Variants in PHF12 observed in about 807,000 individuals in gnomAD.
PHF12 encodes PHD factor 1.
A neutral mutation model predicts 99.8 loss-of-function variants in PHF12; 6 were observed. The observed-to-expected ratio is 0.06, with a 90% CI of 0.03 to 0.12. The LOEUF (loss-of-function observed/expected upper bound fraction) is 0.12. Ranked by LOEUF, PHF12 falls within the 10% of genes least tolerant of loss-of-function variation. PHF12 has a pLI of 1.00. For missense variants in PHF12, 954 were observed against 1,300.1 expected (o/e 0.73, Z 4.09); for synonymous variants, 480 against 514.9 (o/e 0.93, Z 0.92).
At position 28,950,194 on chromosome 17, in the gene PHF12, C is replaced by G; in HGVS notation, c.119G>C (p.Ser40Thr). ...PPKTDEAEKR[S>T]RKPEKEPRRS... Reference sequence around the variant, plus strand: ...CCGGGGCTCCTTCTCAGGCTTCCGACTGCGCTTTTCTGCCTCGTCCGTCTT... The same window carrying G: ...CCGGGGCTCCTTCTCAGGCTTCCGAGTGCGCTTTTCTGCCTCGTCCGTCTT... Residue 40 changes from serine to threonine, a missense_variant, in exon 2 of 15, where the codon AGT (serine) becomes ACT (threonine). This residue lies in a region of PHF12 where 66 missense variants were observed against 69.4 expected (regional missense o/e 0.95). Transcript: ENST00000332830. This position sits in a 1 kb window ranked among gnomAD's most constrained non-coding sequence, Gnocchi z 5.7. 1 of 1,613,266 alleles carries G rather than the reference C, an allele frequency of 6.2e-7. No individual in the cohort carries two copies. The highest frequency in any genetic ancestry group is 1.1e-5 in the South Asian group (1 of 91,064).
At position 28,921,665 on chromosome 17, in the gene PHF12, C is replaced by T. The variant is rs193008301; in HGVS notation, c.836+23G>A. 280 of 1,611,402 alleles carry T rather than the reference C, an allele frequency of 1.7e-4. 2 individuals are homozygous for T. The African/African-American group carries it at 3.3e-3, about 19-fold the overall frequency. On this transcript the variant is annotated intron_variant, in intron 5 of 14. Transcript: ENST00000332830. Reference sequence around the variant, plus strand: ...TCATCTGCTAAATAATGAGAAAGAGCCCCTTAGTATGAAAGAAAATACCTG... The same window carrying T: ...TCATCTGCTAAATAATGAGAAAGAGTCCCTTAGTATGAAAGAAAATACCTG...
rs1050392329 is a variant in PHF12 at position 28,950,511 on chromosome 17, T to C, written c.67-265A>G. On this transcript the variant is annotated intron_variant, in intron 1 of 14. Transcript: ENST00000332830. This position sits in a 1 kb window ranked among gnomAD's most constrained non-coding sequence, Gnocchi z 5.7. ...ATGGGAAGAGGGTGCGCGGTTCCCT[T>C]CTTGCCACTTCCTTGTATGGACAGT... 5 of 553,876 alleles carry C rather than the reference T, an allele frequency of 9.0e-6. No individual in the cohort carries two copies. In the Admixed American group the frequency reaches 1.3e-4, roughly 14 times the overall value. The allele number at this position is 553,876 out of a possible 1,614,324, so 34.3% of individuals were successfully genotyped here.
chr17:28,933,777 G>A (rs1451941665), intron 2 of PHF12, among the ~76,000 whole-genome samples: 7 of 152,190 alleles, frequency 4.6e-5, no homozygotes, highest in African/African-American at 1.7e-4. Context: ...AGGCCAGGCT[G>A]TAGCTCATAT....
At chr17:28,919,348 AG>A (rs2152663302) in intron 5 of PHF12, 73 bp from the exon 6 acceptor site, 3 of 1,459,458 alleles carry the variant, frequency 2.1e-6, no homozygotes, top group African/African-American at 1.4e-5. Flanking sequence ...CCTGTGGAAC[AG>A]CCTCCCCTCC....
intron 13 of PHF12, 59 bp downstream of exon 13, chr17:28,907,531 C>A: frequency 6.4e-7 from 1 of 1,553,734 alleles, no homozygotes; most frequent in Non-Finnish European, 8.9e-7. Flanking sequence ...CAAAAACCTA[C>A]TGCCTGGGAG....
intron 3 of PHF12, 162 bp from the exon 4 acceptor site, chr17:28,924,464 A>T: frequency 2.2e-6 from 2 of 895,894 alleles, no homozygotes; most frequent in Non-Finnish European, 3.4e-6. Context: ...TAAAGTTGAC[A>T]CAACTCTAAC....
rs779026016 is a variant in PHF12 at position 28,919,282 on chromosome 17, A to G, written c.837-7T>C. On this transcript the variant is annotated splice_region_variant and splice_polypyrimidine_tract_variant and intron_variant, in intron 5 of 14. Transcript: ENST00000332830. Reference sequence around the variant, plus strand: ...AGGAGCCACACGGCAACTCCTGCAAAAAAGAGATGTTGGCCATTTCTGTGG... The same window carrying G: ...AGGAGCCACACGGCAACTCCTGCAAGAAAGAGATGTTGGCCATTTCTGTGG... The G allele has an allele frequency of 3.3e-5, 53 of 1,612,066 alleles. No individual in the cohort carries two copies. In the Middle Eastern group the frequency reaches 8.2e-4, roughly 25 times the overall value.
rs1312516384 is a variant in PHF12 at position 28,950,221 on chromosome 17, G to T, written c.92C>A (p.Pro31His). The change falls in exon 2 of 15, where the codon CCC becomes CAC. Residue 31 changes from proline (P) to histidine (H), a missense_variant. Coordinates refer to ENST00000332830, the MANE Select transcript of PHF12 (RefSeq NM_001033561.2). The surrounding 1 kb of genome is among the most constrained non-coding windows in gnomAD (Gnocchi z 5.7). ...MEQIQALLAP[P>H]KTDEAEKRSR... ...GCGCTTTTCTGCCTCGTCCGTCTTG[G>T]GGGGAGCCAGCAGAGCTTGGATTTG... is the stretch of plus-strand genomic sequence containing the variant. The T allele has an allele frequency of 3.1e-6, 5 of 1,611,304 alleles. No individual in the cohort carries two copies. The highest frequency in any genetic ancestry group is 4.2e-6 in the Non-Finnish European group (5 of 1,179,966).
In PHF12 at chr17:28,910,216, A is replaced by T. The variant is rs768052539; in HGVS notation, c.2359+10T>A. 1 of 1,614,218 alleles carries T rather than the reference A, an allele frequency of 6.2e-7. No homozygotes were observed. The highest frequency in any genetic ancestry group is 8.5e-7 in the Non-Finnish European group (1 of 1,180,036). Reference sequence around the variant, plus strand: ...TCTGATGATGTGGTGACAGGTGTGTACATGCGCACCTTCTATGTGGTGCCC... The same window carrying T: ...TCTGATGATGTGGTGACAGGTGTGTTCATGCGCACCTTCTATGTGGTGCCC... On this transcript the variant is annotated intron_variant, in intron 11 of 14. Transcript: ENST00000332830.
intron 2 of PHF12, among the ~76,000 whole-genome samples, chr17:28,930,998 G>A (rs2040389189): frequency 6.6e-6 from 1 of 152,132 alleles, no homozygotes; most frequent in Non-Finnish European, 1.5e-5. Flanking sequence ...CTTGAGCCTG[G>A]GAGGTAGAGC....
rs935009882 is a variant in PHF12, at chr17:28,950,464, G to A, written c.67-218C>T. ...ACAACGAGAACAGCTTCTTCCAAAT[G>A]GGGAGGATCAAGGGTAGGGGGATGG... On this transcript the variant is annotated intron_variant, in intron 1 of 14. Coordinates refer to ENST00000332830, the MANE Select transcript of PHF12 (RefSeq NM_001033561.2). The surrounding 1 kb of genome is among the most constrained non-coding windows in gnomAD (Gnocchi z 5.7). 3.4e-6 allele frequency: 2 copies of A among 595,270 alleles called. No homozygotes were observed. The highest frequency in any genetic ancestry group is 2.9e-5 in the East Asian group (1 of 34,728). The allele number at this position is 595,270 out of a possible 1,614,324, so 36.9% of individuals were successfully genotyped here.
At chr17:28,917,264 C>G in intron 7 of PHF12, 21 bp downstream of exon 7, 1 of 1,612,802 alleles carries the variant, frequency 6.2e-7, no homozygotes, top group Non-Finnish European at 8.5e-7. Flanking sequence ...ACCATCTTGC[C>G]TGCACCTGAT....
At chr17:28,945,352 G>A (rs1266663235) in intron 2 of PHF12, 2 of 152,306 alleles carry the variant, frequency 1.3e-5, no homozygotes, top group South Asian at 2.1e-4. Flanking sequence ...TCCAAGCTGA[G>A]CTTAGTTTTG....
chr17:28,906,132 T>G lies in PHF12; in HGVS notation c.*51A>C. 1 of 1,522,384 alleles carries G rather than the reference T, an allele frequency of 6.6e-7. No homozygotes were observed. The highest frequency in any genetic ancestry group is 8.9e-7 in the Non-Finnish European group (1 of 1,129,564). The allele number at this position is 1,522,384 out of a possible 1,614,324, so 94.3% of individuals were successfully genotyped here. A position where few individuals can be genotyped will look rare whatever the true frequency, so the allele number is the denominator to read the frequency against. On this transcript the variant is annotated 3_prime_UTR_variant, in exon 15 of 15. Coordinates refer to ENST00000332830, the MANE Select transcript of PHF12 (RefSeq NM_001033561.2). The surrounding 1 kb of genome is among the most constrained non-coding windows in gnomAD (Gnocchi z 4.2). The stretch of plus-strand genomic sequence containing the variant: ...GCTTGGTTTGTGTACATTTTTGCAT[T>G]GCAGGAGTCTTGGGTGGGTGTACAG...
At position 28,924,410 on chromosome 17, in the gene PHF12, A is replaced by G. The variant is rs757570680; in HGVS notation, c.322-108T>C. ...AATCAAAACTGTAAAAGGCCTTCACATATCACAGACTCATCTACCTGGTCA... is the reference window on the plus strand; with the variant it reads ...AATCAAAACTGTAAAAGGCCTTCACGTATCACAGACTCATCTACCTGGTCA... On this transcript the variant is annotated intron_variant, in intron 3 of 14. Transcript: ENST00000332830. The G allele has an allele frequency of 5.4e-6, 8 of 1,470,082 alleles. 1 individual carries two copies. The highest frequency in any genetic ancestry group is 7.5e-6 in the Non-Finnish European group (8 of 1,061,948). 91.1% of individuals were successfully genotyped at this position (1,470,082 alleles called of 1,614,324 possible).
chr17:28,917,564 A>C, intron 6 of PHF12, 115 bp from the exon 7 acceptor site: 4 of 1,137,892 alleles, frequency 3.5e-6, no homozygotes, highest in Non-Finnish European at 4.9e-6. Context: ...AGGTTCCCTC[A>C]ATTAGGGACC....
At chr17:28,917,196 C>T in intron 7 of PHF12, 89 bp downstream of exon 7, 1 of 1,570,592 alleles carries the variant, frequency 6.4e-7, no homozygotes, top group South Asian at 1.1e-5. Flanking sequence ...GCTTCAGTTT[C>T]CCTGCCTGTA....
chr17:28,907,647 T>G lies in PHF12; in HGVS notation c.2484A>C (p.Thr828=). Residue 828 remains threonine (T), a synonymous_variant, in exon 13 of 15, where the codon ACA becomes ACC. Coordinates refer to ENST00000332830, the MANE Select transcript of PHF12 (RefSeq NM_001033561.2). ...ACACGTAGTTACAGTGACCATAGTT[T>G]GTAAGGCACACATCCATGTCAGCTC... The part of the protein sequence containing the change: ...GTGADMDVCL[T]NYGHCNYVSG... 6.2e-7 allele frequency: 1 copy of G among 1,613,852 alleles called. No individual in the cohort carries two copies. The highest frequency in any genetic ancestry group is 8.5e-7 in the Non-Finnish European group (1 of 1,179,864).
intron 2 of PHF12, among the ~76,000 whole-genome samples, chr17:28,942,008 A>C (rs906520746): frequency 6.6e-6 from 1 of 152,148 alleles, no homozygotes; most frequent in Non-Finnish European, 1.5e-5. Context: ...ATCCTATCTA[A>C]AGGCAGATGG....
Sources: gnomAD v4.1 joint callset for allele counts (sites outside exome capture counted in the v4.1 genomes callset) on GRCh38, gnomAD v4.1.1 for gene constraint, gnomAD v4.1.1 regional missense constraint, Gnocchi (gnomAD v3.1) non-coding constraint, MANE v1.5 for transcripts, NCBI Gene and HGNC (gene_info 2026-07-23, HGNC 2026-07-21) for gene names.